SLIT1: variants seen among roughly 807,000 people sequenced by gnomAD.
The protein encoded by SLIT1 is slit guidance ligand 1.
Under a neutral mutation model 186.1 loss-of-function variants are expected in SLIT1, and 66 were observed. That is an observed-to-expected ratio of 0.35 (90% CI 0.29 to 0.44). The LOEUF is 0.44. Among genes scored for constraint, SLIT1 ranks in the 20% least tolerant of loss-of-function variants. The pLI, the probability that SLIT1 is intolerant of heterozygous loss-of-function variation, is 1.00. For synonymous variants in SLIT1, 761 were observed against 833.8 expected (o/e 0.91, Z 1.50); for missense variants, 1,638 against 2,037.4 (o/e 0.80, Z 3.77).
intron 23 of SLIT1, among the ~76,000 whole-genome samples, chr10:97,033,887 C>T (rs1044189459): frequency 3.0e-5 from 4 of 131,428 alleles, no homozygotes; most frequent in African/African-American, 1.2e-4. Context: ...TTTTCTGAGA[C>T]AGAGTCTCGC....
At chr10:97,100,941 G>T (rs916678815) in intron 4 of SLIT1, among the ~76,000 whole-genome samples, 1 of 152,164 alleles carries the variant, frequency 6.6e-6, no homozygotes, top group African/African-American at 2.4e-5. Context: ...GACGCAGGCC[G>T]GTTTGGGCCC....
At chr10:97,154,093 G>C (rs892599833) in intron 4 of SLIT1, 1 of 152,266 alleles carries the variant, frequency 6.6e-6, no homozygotes, top group Admixed American at 6.5e-5. Context: ...TAGAATGCCA[G>C]GTGCTCAGGT....
Position 97,184,861 on chromosome 10 carries a change from G to T in SLIT1, c.197+617C>A, listed in dbSNP as rs1850389676. 6.6e-6 allele frequency among the ~76,000 whole-genome samples: 1 copy of T among 152,116 alleles called. No individual in the cohort carries two copies. The highest frequency in any genetic ancestry group is 2.1e-4 in the South Asian group (1 of 4,832). On this transcript the variant is annotated intron_variant, in intron 1 of 36. Transcript: ENST00000266058. This position sits in a 1 kb window ranked among gnomAD's most constrained non-coding sequence, Gnocchi z 4.4. ...ATACCCAAAGCCCTCAGGTCCCATT[G>T]TCTGCCTGTGTTGGGGATGGCTGGG...
intron 4 of SLIT1, among the ~76,000 whole-genome samples, chr10:97,080,952 A>T (rs1039401530): frequency 6.6e-6 from 1 of 152,224 alleles, no homozygotes; most frequent in Non-Finnish European, 1.5e-5. Context: ...CTGCAGGGTC[A>T]GTGCCACCAC....
chr10:97,165,974 A>G (rs1389039260), intron 1 of SLIT1, among the ~76,000 whole-genome samples: 4 of 151,854 alleles, frequency 2.6e-5, no homozygotes, highest in Non-Finnish European at 5.9e-5. Context: ...TGAGCCCCAC[A>G]CAGCAGAATC....
rs774162498 is a variant in SLIT1, at chr10:97,049,012, G to A, written c.1408C>T (p.Arg470Trp). The A allele has an allele frequency of 8.1e-6, 13 of 1,611,304 alleles. No individual in the cohort carries two copies. Among genetic ancestry groups the A allele is most frequent in the African/African-American group, 2.7e-5 (2 of 74,192 alleles). ...ETSGARCASP[R>W]RLANKRIGQI... is the part of the protein sequence containing the mutation. ...CCGATGCGCTTGTTGGCGAGGCGCC[G>A]GGGACTGGCACAGCGGGCACCACTC... The change falls in exon 14 of 37, where the codon CGG becomes TGG. Residue 470 changes from arginine to tryptophan, a missense_variant. By Grantham distance (101) the Arg-to-Trp change is moderately radical (BLOSUM62 -3). Coordinates refer to ENST00000266058, the MANE Select transcript of SLIT1 (RefSeq NM_003061.3).
chr10:97,034,846 T>TG (rs1848624052), intron 22 of SLIT1, among the ~76,000 whole-genome samples: 1 of 152,042 alleles, frequency 6.6e-6, no homozygotes, highest in South Asian at 2.1e-4. Context: ...CCCACCAGGG[T>TG]GTTGGTGGCC....
At chr10:97,171,292 C>T (rs1850185176) in intron 1 of SLIT1, among the ~76,000 whole-genome samples, 1 of 152,068 alleles carries the variant, frequency 6.6e-6, no homozygotes, top group South Asian at 2.1e-4. Context: ...TGCAGGGTAG[C>T]CCGGGTGCAT....
chr10:97,039,749 G>C (rs1309726370), intron 21 of SLIT1, among the ~76,000 whole-genome samples: 1 of 152,256 alleles, frequency 6.6e-6, no homozygotes, highest in African/African-American at 2.4e-5. Flanking sequence ...AGTTTAAAGG[G>C]AGGAAGCACT....
In SLIT1 at chr10:97,004,858, C is replaced by A. The variant is rs2134587203; in HGVS notation, c.3580-35G>T. Reference sequence around the variant, plus strand: ...AGTGGCACTTTCTCTCCCACCCCACCCCATGCAGCAGCGGCACAGGCTAGC... The same window carrying A: ...AGTGGCACTTTCTCTCCCACCCCACACCATGCAGCAGCGGCACAGGCTAGC... On this transcript the variant is annotated intron_variant, in intron 32 of 36. Transcript: ENST00000266058. The surrounding 1 kb of genome is among the most constrained non-coding windows in gnomAD (Gnocchi z 5.1). 2.5e-6 allele frequency: 4 copies of A among 1,613,610 alleles called. No homozygotes were observed. Among genetic ancestry groups the A allele is most frequent in the East Asian group, 2.2e-5 (1 of 44,878 alleles).
chr10:97,018,068 C>T lies in SLIT1; in HGVS notation c.2969+518G>A, dbSNP rs189807885. 2.1e-3 allele frequency among the ~76,000 whole-genome samples: 316 copies of T among 152,198 alleles called. 2 individuals carry two copies. Among genetic ancestry groups the T allele is most frequent in the African/African-American group, 7.3e-3 (303 of 41,524 alleles). ...TTCACTATGTTGGCCAGGCTGGTCT[C>T]AAACTCCTGACCTCGTGATCTGCCC... On this transcript the variant is annotated intron_variant, in intron 28 of 36. Transcript: ENST00000266058.
Position 97,021,554 on chromosome 10 carries a change from G to A in SLIT1, c.2583-141C>T, listed in dbSNP as rs1848502318. The A allele has an allele frequency of 1.6e-6, 1 of 645,016 alleles. No individual in the cohort carries two copies. The highest frequency in any genetic ancestry group is 2.5e-6 in the Non-Finnish European group (1 of 404,486). The allele number at this position is 645,016 out of a possible 1,614,324, so 40.0% of individuals were successfully genotyped here. ...CATGAGCATTTACTGTATAGTCAGT[G>A]CTGCTTTTTTTTTTTTTTCTTTTTT... On this transcript the variant is annotated intron_variant, in intron 25 of 36. Transcript: ENST00000266058. The surrounding 1 kb of genome is among the most constrained non-coding windows in gnomAD (Gnocchi z 4.5).
rs1478615613 is a variant in SLIT1 at position 97,043,072 on chromosome 10, A to AAGAGGC, written c.1998-11_1998-6dup. 1 of 1,613,428 alleles carries AAGAGGC rather than the reference A, an allele frequency of 6.2e-7. No homozygotes were observed. Among genetic ancestry groups the AAGAGGC allele is most frequent in the South Asian group, 1.1e-5 (1 of 91,000 alleles). On this transcript the variant is annotated splice_region_variant and splice_polypyrimidine_tract_variant and intron_variant, in intron 19 of 36. Coordinates refer to ENST00000266058, the MANE Select transcript of SLIT1 (RefSeq NM_003061.3). This position sits in a 1 kb window ranked among gnomAD's most constrained non-coding sequence, Gnocchi z 7.0. The stretch of plus-strand genomic sequence containing the variant: ...AAAGGGTTGGCCAGGAGATTCCTGG[A>AAGAGGC]AGAGGCAGGCCAGGCGGCCATGGAG...
intron 4 of SLIT1, among the ~76,000 whole-genome samples, chr10:97,113,840 G>C (rs1179415900): frequency 6.6e-6 from 1 of 152,212 alleles, no homozygotes; most frequent in African/African-American, 2.4e-5. Flanking sequence ...ACAGGCGTGA[G>C]CCCGGCCTCT....
intron 14 of SLIT1, 101 bp from the exon 15 acceptor site, chr10:97,048,097 A>G (rs917409545): frequency 1.1e-5 from 14 of 1,266,610 alleles, no homozygotes; most frequent in Admixed American, 6.7e-5. Flanking sequence ...CACCCCAGAC[A>G]GGGCTGAGGA....
chr10:97,158,658 T>G (rs1316958851), intron 3 of SLIT1, among the ~76,000 whole-genome samples: 5 of 58,538 alleles, frequency 8.5e-5, no homozygotes, highest in Non-Finnish European at 1.3e-4. Context: ...CGAAACTCTG[T>G]CTCAAAAAAA....
At chr10:97,135,252 G>A (rs1030042861) in intron 4 of SLIT1, among the ~76,000 whole-genome samples, 2 of 152,098 alleles carry the variant, frequency 1.3e-5, no homozygotes, top group African/African-American at 4.8e-5. Flanking sequence ...CCACGTGCCT[G>A]CGTCTTCATC....
chr10:97,108,112 T>G (rs1849431123), intron 4 of SLIT1, among the ~76,000 whole-genome samples: 1 of 152,166 alleles, frequency 6.6e-6, no homozygotes, highest in Non-Finnish European at 1.5e-5. Flanking sequence ...TAGGAAGTCC[T>G]GTGACCCCTA....
intron 4 of SLIT1, among the ~76,000 whole-genome samples, chr10:97,077,287 G>T (rs1849054660): frequency 6.6e-6 from 1 of 152,014 alleles, no homozygotes; most frequent in African/African-American, 2.4e-5. Flanking sequence ...AAATCACACA[G>T]GACAGGATAG....
Sources: gnomAD v4.1 joint callset for allele counts (sites outside exome capture counted in the v4.1 genomes callset) on GRCh38, gnomAD v4.1.1 for gene constraint, Gnocchi (gnomAD v3.1) non-coding constraint, MANE v1.5 for transcripts, NCBI Gene and HGNC (gene_info 2026-07-23, HGNC 2026-07-21) for gene names.